Variants in CTNND2 observed in about 807,000 individuals in gnomAD.
The protein encoded by CTNND2 is catenin delta-2.
CTNND2 carries 22 observed loss-of-function variants against 144.4 expected under a neutral mutation model. The ratio of observed to expected loss-of-function variants is 0.15; its 90% CI spans 0.11 to 0.22. CTNND2 has a LOEUF of 0.22. CTNND2 is among the 10% of genes least tolerant of loss of function. CTNND2 has a pLI of 1.00. For synonymous variants in CTNND2, 751 were observed against 695.6 expected (o/e 1.08, Z -1.25); for missense variants, 1,353 against 1,618.8 (o/e 0.84, Z 2.82).
chr5:11,369,226 A>G (rs1004529786), intron 7 of CTNND2, among the ~76,000 whole-genome samples: 1 of 152,254 alleles, frequency 6.6e-6, no homozygotes, highest in Non-Finnish European at 1.5e-5. Context: ...AGGAAAGAAA[A>G]CACTGAAATG....
chr5:11,209,825 G>A (rs568641471), intron 10 of CTNND2, among the ~76,000 whole-genome samples: 1 of 152,280 alleles, frequency 6.6e-6, no homozygotes, highest in Admixed American at 6.5e-5. Flanking sequence ...GGGAGGCTGA[G>A]GCAGGAGAAT....
chr5:11,089,945 G>C (rs1287081051), intron 15 of CTNND2, among the ~76,000 whole-genome samples: 3 of 152,166 alleles, frequency 2.0e-5, no homozygotes, highest in African/African-American at 7.2e-5. Context: ...GGAGGCAGAG[G>C]TTGCAGTGAG....
intron 16 of CTNND2, among the ~76,000 whole-genome samples, chr5:11,044,094 G>A (rs1442275096): frequency 8.5e-5 from 13 of 152,248 alleles, no homozygotes; most frequent in South Asian, 4.2e-4. Flanking sequence ...GCCTCTGCCC[G>A]GCAGGACTCT....
Position 11,264,818 on chromosome 5 carries a change from T to C in CTNND2, c.1629-27995A>G, listed in dbSNP as rs920436077. ...TGATGGAGTGTGCCTGTGGTCCCAA[T>C]TACACAGGAGGCTGAAATGGGAGGA... On this transcript the variant is annotated intron_variant, in intron 9 of 21. Transcript: ENST00000304623. 1.1e-4 allele frequency among the ~76,000 whole-genome samples: 16 copies of C among 152,084 alleles called. 1 individual carries two copies. Among genetic ancestry groups the C allele is most frequent in the Admixed American group, 5.9e-4 (9 of 15,280 alleles).
At chr5:11,177,638 T>C (rs1378304927) in intron 11 of CTNND2, among the ~76,000 whole-genome samples, 2 of 151,968 alleles carry the variant, frequency 1.3e-5, no homozygotes, top group African/African-American at 4.8e-5. Context: ...TTGAGGAACT[T>C]TTTTTTGGTC....
chr5:11,715,109 TTACCAGGCAGAGTGATTGGGGAAAA>T (rs1786278982), intron 2 of CTNND2, among the ~76,000 whole-genome samples: 1 of 152,078 alleles, frequency 6.6e-6, no homozygotes, highest in East Asian at 1.9e-4. Flanking sequence ...TGGCCCTGAG[TTACCAGGCAGAGTGATTGGGGAAAA>T]TAAATGCCCC....
rs114628180 is a variant in CTNND2 at position 11,207,665 on chromosome 5, T to C, written c.1762-8004A>G. Among the ~76,000 whole-genome samples the C allele has an allele frequency of 3.3e-3, 509 of 152,300 alleles. 1 individual carries two copies. Among genetic ancestry groups the C allele is most frequent in the African/African-American group, 0.012 (487 of 41,570 alleles). ...CCTTAGGGGCCTGGATTAGATTTCC[T>C]TGCCTGGACTCCAAACCCACCACTC... On this transcript the variant is annotated intron_variant, in intron 10 of 21. Transcript: ENST00000304623.
rs1561785426 is a variant in CTNND2 at position 11,774,569 on chromosome 5, AAAAC to A, written c.38-42301_38-42298del. Among the ~76,000 whole-genome samples the A allele has an allele frequency of 4.3e-4, 64 of 150,250 alleles. 3 individuals carry two copies. The highest frequency in any genetic ancestry group is 8.5e-4 in the South Asian group (4 of 4,714). On this transcript the variant is annotated intron_variant, in intron 1 of 21. Coordinates refer to ENST00000304623, the MANE Select transcript of CTNND2 (RefSeq NM_001332.4). ...GTATAATAAAAAAAAATTAAAAAAA[AAAAC>A]AATGATGGCTTTAGTCTAAAATACT...
chr5:11,752,403 C>T (rs929357767), intron 1 of CTNND2, among the ~76,000 whole-genome samples: 2 of 151,756 alleles, frequency 1.3e-5, no homozygotes, highest in Non-Finnish European at 2.9e-5. Context: ...ATATGGCTGG[C>T]CAATTTATCC....
intron 2 of CTNND2, among the ~76,000 whole-genome samples, chr5:11,709,686 C>A (rs10035537): frequency 0.19 from 29,447 of 151,842 alleles, 4,230 homozygotes; most frequent in African/African-American, 0.41. Context: ...ATTTAAGAAA[C>A]GGTAGACAAA....
intron 2 of CTNND2, among the ~76,000 whole-genome samples, chr5:11,576,792 C>G (rs1032939439): frequency 6.6e-6 from 1 of 152,182 alleles, no homozygotes; most frequent in African/African-American, 2.4e-5. Context: ...CTAAAACGTT[C>G]TAATGAATTT....
intron 2 of CTNND2, among the ~76,000 whole-genome samples, chr5:11,716,873 T>C (rs752561691): frequency 9.2e-5 from 14 of 151,622 alleles, no homozygotes; most frequent in Non-Finnish European, 1.8e-4. Context: ...TTTTTGTTTG[T>C]ATTTTTGTAT....
chr5:11,708,148 G>C (rs1785817570), intron 2 of CTNND2, among the ~76,000 whole-genome samples: 1 of 151,826 alleles, frequency 6.6e-6, no homozygotes, highest in Non-Finnish European at 1.5e-5. Context: ...CCAGGCTCAA[G>C]CAACCCTCCC....
At chr5:11,633,976 A>G (rs1047983186) in intron 2 of CTNND2, among the ~76,000 whole-genome samples, 2 of 151,980 alleles carry the variant, frequency 1.3e-5, no homozygotes, top group African/African-American at 2.4e-5. Flanking sequence ...CCCTCATGAC[A>G]TCTGTTTCTA....
At chr5:11,671,243 G>A (rs977915834) in intron 2 of CTNND2, among the ~76,000 whole-genome samples, 1 of 151,992 alleles carries the variant, frequency 6.6e-6, no homozygotes, top group Non-Finnish European at 1.5e-5. Flanking sequence ...TGAATCTGAC[G>A]ATTATGTGTC....
intron 2 of CTNND2, among the ~76,000 whole-genome samples, chr5:11,636,224 T>C (rs190125357): frequency 2.6e-5 from 4 of 152,302 alleles, no homozygotes; most frequent in Admixed American, 1.3e-4. Flanking sequence ...TGTTTCTCAG[T>C]TGGCTATAGG....
intron 9 of CTNND2, among the ~76,000 whole-genome samples, chr5:11,290,083 C>T (rs1214544416): frequency 1.3e-5 from 2 of 152,152 alleles, no homozygotes; most frequent in Admixed American, 6.5e-5. Context: ...ATTCTGGACA[C>T]ATAAACTAAG....
chr5:11,417,498 C>T (rs1762020934), intron 3 of CTNND2, among the ~76,000 whole-genome samples: 1 of 151,964 alleles, frequency 6.6e-6, no homozygotes, highest in Admixed American at 6.6e-5. Flanking sequence ...TAGAAGAGAG[C>T]TCATCAGACA....
At chr5:11,113,223 C>A (rs1162013473) in intron 13 of CTNND2, among the ~76,000 whole-genome samples, 1 of 152,174 alleles carries the variant, frequency 6.6e-6, no homozygotes, top group African/African-American at 2.4e-5. Flanking sequence ...CTCACAGATA[C>A]AGCTCTTTGA....
Sources: allele counts gnomAD v4.1 joint callset (sites outside exome capture counted in the v4.1 genomes callset), GRCh38; gene constraint gnomAD v4.1.1; transcripts MANE v1.5; gene names NCBI Gene and HGNC (gene_info 2026-07-23, HGNC 2026-07-21).